The following ZNF266 variants were observed in gnomAD, a reference collection of about 807,000 sequenced individuals.
ZNF266 encodes the protein zinc finger protein 266, also known as zinc finger protein 1.
A neutral mutation model predicts 16.4 loss-of-function variants in ZNF266; 16 were observed. The ratio of observed to expected loss-of-function variants is 0.98; its 90% confidence interval spans 0.66 to 1.48. The LOEUF is 1.48. Among genes scored for constraint, ZNF266 ranks in the 40% most tolerant of loss-of-function variants. ZNF266 has a pLI of 0.00. For synonymous variants in ZNF266, 262 were observed against 237.9 expected (o/e 1.10, Z -0.93); for missense variants, 738 against 689.1 (o/e 1.07, Z -0.79).
chr19:9,426,610 G>A (rs1479339298), intron 5 of ZNF266, among the ~76,000 whole-genome samples: 5 of 151,616 alleles, frequency 3.3e-5, no homozygotes, highest in South Asian at 2.1e-4. Flanking sequence ...ACATAATCCC[G>A]CTGGCCCTAG....
intron 9 of ZNF266, among the ~76,000 whole-genome samples, chr19:9,417,051 A>G (rs535936210): frequency 2.4e-4 from 36 of 152,262 alleles, no homozygotes; most frequent in African/African-American, 8.4e-4. Context: ...AAGTATGAGA[A>G]GTTGAAGATT....
In ZNF266 at chr19:9,414,267, C is replaced by A. The variant is rs2068653219; in HGVS notation, c.859G>T (p.Gly287Ter). 3.7e-6 allele frequency: 6 copies of A among 1,614,146 alleles called. No individual in the cohort carries two copies. The highest frequency in any genetic ancestry group is 5.1e-6 in the Non-Finnish European group (6 of 1,180,026). ...TTAAGGTATGCAGAATATCTAAATC[C>A]TTTTCCACATTCCTTACATTTGTAG... ...KPYKCKECGKGFRYSAYLNIH... is the reference protein window; with the variant it reads ...KPYKCKECGK The change falls in exon 11 of 11, where the codon GGA (glycine) becomes TGA (stop). Residue 287 changes from glycine to a stop codon, truncating the protein, a stop_gained. Coordinates refer to ENST00000592904, the MANE Select transcript of ZNF266 (RefSeq NM_001370374.1). LOFTEE classifies it low-confidence loss of function (END_TRUNC).
chr19:9,420,387 C>T (rs1173863463), intron 5 of ZNF266, 169 bp from the exon 6 acceptor site: 4 of 152,202 alleles, frequency 2.6e-5, no homozygotes, highest in Non-Finnish European at 2.9e-5. Context: ...AGAAGTCACA[C>T]TAGCAGCTTT....
chr19:9,415,838 T>C, intron 9 of ZNF266, 96 bp from the exon 10 acceptor site: 2 of 1,076,824 alleles, frequency 1.9e-6, no homozygotes, highest in Non-Finnish European at 2.7e-6. Context: ...TTTCTTTTTT[T>C]CTTGAGACGG....
At chr19:9,431,623 G>A (rs1469888771) in intron 5 of ZNF266, among the ~76,000 whole-genome samples, 3 of 152,176 alleles carry the variant, frequency 2.0e-5, no homozygotes, top group Admixed American at 6.5e-5. Context: ...ACCAGTCCAA[G>A]CCTCATAGCT....
Position 9,418,618 on chromosome 19 carries a change from A to G in ZNF266, c.122T>C (p.Phe41Ser). The change falls in exon 8 of 11, where the codon TTT becomes TCT. Residue 41 changes from phenylalanine to serine, a missense_variant. Physicochemically the swap from Phe to Ser is radical, Grantham distance 155 (BLOSUM62 -2). Transcript: ENST00000592904. Reference protein sequence around the residue: ...LTNCYQDSVTFDDLAVDFTPE... With the variant: ...LTNCYQDSVTSDDLAVDFTPE... ...GGTGAAGTCCACAGCCAGATCATCA[A>G]AAGTCACTGAATCCTAAACCATCAC... The G allele has an allele frequency of 1.4e-6, 2 of 1,458,266 alleles. No homozygotes were observed. The highest frequency in any genetic ancestry group is 1.9e-6 in the Non-Finnish European group (2 of 1,038,196). The allele number at this position is 1,458,266 out of a possible 1,614,324, so 90.3% of individuals were successfully genotyped here.
chr19:9,416,400 G>A (rs1217451574), intron 9 of ZNF266, among the ~76,000 whole-genome samples: 2 of 116,282 alleles, frequency 1.7e-5, no homozygotes, highest in Non-Finnish European at 3.7e-5. Context: ...TTTCACTCTT[G>A]TCACTCAGGC....
At position 9,418,429 on chromosome 19, in the gene ZNF266, T is replaced by C; in HGVS notation, c.235+76A>G. ...TTTCCCATTGTGTTCAGAGTTGCTA[T>C]CTCTGATGTGCAATACAGTAAGTAC... is the stretch of plus-strand genomic sequence containing the variant. On this transcript the variant is annotated intron_variant, in intron 8 of 10. Transcript: ENST00000592904. The C allele has an allele frequency of 1.0e-5, 15 of 1,459,828 alleles. 1 individual carries two copies. In the South Asian group the frequency reaches 1.5e-4, roughly 14 times the overall value. The allele number at this position is 1,459,828 out of a possible 1,614,324, so 90.4% of individuals were successfully genotyped here. A position where few individuals can be genotyped will look rare whatever the true frequency, so the allele number is the denominator to read the frequency against.
intron 5 of ZNF266, among the ~76,000 whole-genome samples, chr19:9,427,959 C>T (rs2123346094): frequency 6.6e-6 from 1 of 151,946 alleles, no homozygotes; most frequent in Non-Finnish European, 1.5e-5. Context: ...CCTATTAATG[C>T]CTCGAAGAAA....
intron 5 of ZNF266, among the ~76,000 whole-genome samples, chr19:9,433,340 C>A (rs932670751): frequency 6.6e-6 from 1 of 152,036 alleles, no homozygotes; most frequent in South Asian, 2.1e-4. Context: ...CAAGCCAACC[C>A]CCTAGGTGTA....
intron 5 of ZNF266, among the ~76,000 whole-genome samples, chr19:9,424,793 C>T (rs943210057): frequency 6.6e-6 from 1 of 152,092 alleles, no homozygotes; most frequent in Non-Finnish European, 1.5e-5. Context: ...CATGGCGTGC[C>T]ATGGGAATAC....
chr19:9,419,012 T>C (rs1392173792), intron 7 of ZNF266: 2 of 162,686 alleles, frequency 1.2e-5, no homozygotes. Flanking sequence ...AATTAATCAA[T>C]ATTGAAATAC....
At chr19:9,424,270 G>A (rs2070395049) in intron 5 of ZNF266, among the ~76,000 whole-genome samples, 1 of 151,394 alleles carries the variant, frequency 6.6e-6, no homozygotes, top group Non-Finnish European at 1.5e-5. Context: ...GGCTGGAGTG[G>A]TTAATCCCAA....
intron 9 of ZNF266, among the ~76,000 whole-genome samples, chr19:9,416,449 C>T (rs1244058422): frequency 6.0e-5 from 9 of 150,124 alleles, no homozygotes; most frequent in Admixed American, 2.0e-4. Context: ...CTGCAACTTC[C>T]GCCTCCCAAG....
intron 9 of ZNF266, 133 bp from the exon 10 acceptor site, chr19:9,415,875 G>T: frequency 1.6e-6 from 1 of 624,564 alleles, no homozygotes; most frequent in Non-Finnish European, 2.7e-6. Flanking sequence ...CCAGGCTGGA[G>T]TGCAATGGCG....
Position 9,413,081 on chromosome 19 carries a change from G to A in ZNF266, c.*194C>T, listed in dbSNP as rs929259532. 5.0e-6 allele frequency: 3 copies of A among 604,378 alleles called. No homozygotes were observed. The Admixed American group carries it at 1.1e-4, about 21-fold the overall frequency. 37.4% of individuals were successfully genotyped at this position (604,378 alleles called of 1,614,324 possible). Reference sequence around the variant, plus strand: ...TCCAGTGAGATTTCTGATGTGTTTGGTAAGGCTTGAGAATTCAGCAAAGTC... The same window carrying A: ...TCCAGTGAGATTTCTGATGTGTTTGATAAGGCTTGAGAATTCAGCAAAGTC... On this transcript the variant is annotated 3_prime_UTR_variant, in exon 11 of 11. Transcript: ENST00000592904.
chr19:9,420,903 C>T (rs1011452044), intron 5 of ZNF266, among the ~76,000 whole-genome samples: 1 of 152,178 alleles, frequency 6.6e-6, no homozygotes, highest in Non-Finnish European at 1.5e-5. Flanking sequence ...TGTGGCTGCT[C>T]TTACTTTCCC....
At chr19:9,421,343 G>A (rs991285244) in intron 5 of ZNF266, among the ~76,000 whole-genome samples, 4 of 152,338 alleles carry the variant, frequency 2.6e-5, no homozygotes, top group Admixed American at 6.5e-5. Context: ...TTAGGCTGAA[G>A]AGGGCCACAA....
chr19:9,432,436 T>C (rs1464148193), intron 5 of ZNF266, among the ~76,000 whole-genome samples: 1 of 152,218 alleles, frequency 6.6e-6, no homozygotes, highest in Non-Finnish European at 1.5e-5. Flanking sequence ...ATGATTTCAC[T>C]ACATGCGGCT....
Sources: allele counts gnomAD v4.1 joint callset (sites outside exome capture counted in the v4.1 genomes callset), GRCh38; gene constraint gnomAD v4.1.1; transcripts MANE v1.5; gene names NCBI Gene and HGNC (gene_info 2026-07-23, HGNC 2026-07-21).